Variants in MEI4 observed in about 807,000 individuals in gnomAD.
MEI4 encodes meiotic double-stranded break formation protein 4, also known as meiosis-specific protein MEI4.
MEI4 carries 27 observed loss-of-function variants against 31.4 expected under a neutral mutation model. The ratio of observed to expected loss-of-function variants is 0.86; its 90% CI spans 0.63 to 1.19. The LOEUF (loss-of-function observed/expected upper bound fraction) is 1.19. MEI4 is among the 50% of genes most tolerant of loss of function. MEI4 has a pLI of 0.00. For synonymous variants in MEI4, 122 were observed against 145.4 expected (o/e 0.84, Z 1.16); for missense variants, 329 against 398.9 (o/e 0.82, Z 1.49).
At chr6:77,772,480 A>G (rs1283165844) in intron 3 of MEI4, among the ~76,000 whole-genome samples, 1 of 152,058 alleles carries the variant, frequency 6.6e-6, no homozygotes, top group Admixed American at 6.6e-5. Context: ...GATTATTTCA[A>G]TTGGTGTGGA....
chr6:77,804,308 C>T (rs141916879), intron 3 of MEI4, among the ~76,000 whole-genome samples: 8,974 of 152,200 alleles, frequency 0.059, 788 homozygotes, highest in African/African-American at 0.19. Flanking sequence ...TGGAAGAGCG[C>T]AGTATTAGGG....
chr6:77,756,120 G>A (rs1561976645), intron 2 of MEI4, among the ~76,000 whole-genome samples: 1 of 152,204 alleles, frequency 6.6e-6, no homozygotes, highest in African/African-American at 2.4e-5. Context: ...GAATCTGGTT[G>A]TAGTTATGAA....
intron 3 of MEI4, among the ~76,000 whole-genome samples, chr6:77,801,998 G>A (rs1287320464): frequency 6.6e-6 from 1 of 152,174 alleles, no homozygotes; most frequent in Non-Finnish European, 1.5e-5. Context: ...GCTTGGTGAA[G>A]AGCTGAGTTC....
intron 3 of MEI4, among the ~76,000 whole-genome samples, chr6:77,775,145 A>C (rs1185730451): frequency 6.6e-6 from 1 of 152,070 alleles, no homozygotes; most frequent in Non-Finnish European, 1.5e-5. Flanking sequence ...TTACCTCTTC[A>C]TCTCAGATTC....
At chr6:77,760,205 C>G (rs1306349353) in intron 2 of MEI4, among the ~76,000 whole-genome samples, 2 of 151,980 alleles carry the variant, frequency 1.3e-5, no homozygotes, top group Non-Finnish European at 2.9e-5. Context: ...TACACAGGTA[C>G]ATACACATGT....
intron 4 of MEI4, among the ~76,000 whole-genome samples, chr6:77,904,873 G>A (rs775226615): frequency 2.0e-4 from 30 of 151,894 alleles, no homozygotes; most frequent in Non-Finnish European, 4.3e-4. Context: ...GATTATTTTA[G>A]CTATTATTAT....
At chr6:77,828,144 G>T (rs1769998050) in intron 3 of MEI4, among the ~76,000 whole-genome samples, 1 of 152,032 alleles carries the variant, frequency 6.6e-6, no homozygotes. Context: ...TAACTTAACA[G>T]ATATTTCTCT....
chr6:77,918,187 G>A (rs74471100), intron 4 of MEI4, among the ~76,000 whole-genome samples: 1 of 151,948 alleles, frequency 6.6e-6, no homozygotes, highest in African/African-American at 2.4e-5. Flanking sequence ...AGTATAGTTT[G>A]AAGTCAGGTA....
rs557610272 is a variant in MEI4, at chr6:77,680,626, A to G, written c.-14-10032A>G. On this transcript the variant is annotated intron_variant, in intron 1 of 4. Coordinates refer to ENST00000684080, the MANE Select transcript of MEI4 (RefSeq NM_001322247.2). ...CATCATATGCCAGAAGATGTATAGA[A>G]TGGAAGGGCTCCATATTTGTGAAAC... 2.6e-5 allele frequency among the ~76,000 whole-genome samples: 4 copies of G among 152,306 alleles called. No homozygotes were observed. In the South Asian group the frequency reaches 8.3e-4, roughly 32 times the overall value.
chr6:77,799,172 A>C (rs1046290509), intron 3 of MEI4, among the ~76,000 whole-genome samples: 4 of 152,036 alleles, frequency 2.6e-5, no homozygotes, highest in Non-Finnish European at 4.4e-5. Context: ...CTGACTTTTT[A>C]ATGATTGCCA....
intron 2 of MEI4, among the ~76,000 whole-genome samples, chr6:77,748,200 G>A (rs1767665514): frequency 6.6e-6 from 1 of 152,212 alleles, no homozygotes; most frequent in South Asian, 2.1e-4. Flanking sequence ...TGGGGACTGT[G>A]CTGTGGCTCC....
rs552769799 is a variant in MEI4 at position 77,662,212 on chromosome 6, A to G, written c.-15+9120A>G. Reference sequence around the variant, plus strand: ...GCTGAGAGGTAGTGGAGAGGGGCAGAGTGGTAGCCTCAATGATAGATGTGG... The same window carrying G: ...GCTGAGAGGTAGTGGAGAGGGGCAGGGTGGTAGCCTCAATGATAGATGTGG... On this transcript the variant is annotated intron_variant, in intron 1 of 4. Coordinates refer to ENST00000684080, the MANE Select transcript of MEI4 (RefSeq NM_001322247.2). 3.9e-5 allele frequency among the ~76,000 whole-genome samples: 6 copies of G among 152,314 alleles called. No homozygotes were observed. The South Asian group carries it at 6.2e-4, about 16-fold the overall frequency.
intron 3 of MEI4, among the ~76,000 whole-genome samples, chr6:77,775,729 G>A (rs149037056): frequency 6.6e-6 from 1 of 152,080 alleles, no homozygotes; most frequent in Non-Finnish European, 1.5e-5. Flanking sequence ...AGGATTGCTG[G>A]ATCAAATGGT....
At chr6:77,674,199 T>A (rs2127646702) in intron 1 of MEI4, among the ~76,000 whole-genome samples, 2 of 152,322 alleles carry the variant, frequency 1.3e-5, no homozygotes, top group African/African-American at 4.8e-5. Context: ...ATTAATTCTT[T>A]ATTCAAATTC....
chr6:77,655,390 G>A (rs1182788704), intron 1 of MEI4, among the ~76,000 whole-genome samples: 1 of 152,150 alleles, frequency 6.6e-6, no homozygotes, highest in Admixed American at 6.5e-5. Flanking sequence ...GTCTGATGGA[G>A]CTTAGTTAAG....
chr6:77,914,586 G>C (rs1328684630), intron 4 of MEI4, among the ~76,000 whole-genome samples: 1 of 151,948 alleles, frequency 6.6e-6, no homozygotes, highest in Non-Finnish European at 1.5e-5. Context: ...GTGTCTGTTA[G>C]GTCCATTTGG....
chr6:77,867,672 G>A (rs1039417304), intron 4 of MEI4, among the ~76,000 whole-genome samples: 2 of 152,096 alleles, frequency 1.3e-5, no homozygotes, highest in Non-Finnish European at 2.9e-5. Flanking sequence ...TTCCTCAGGG[G>A]TCTAGAACTA....
intron 4 of MEI4, among the ~76,000 whole-genome samples, chr6:77,886,658 C>G (rs976711433): frequency 1.3e-5 from 2 of 152,094 alleles, no homozygotes; most frequent in Non-Finnish European, 2.9e-5. Context: ...GTCTTGAACT[C>G]CCAACCTCAA....
intron 1 of MEI4, among the ~76,000 whole-genome samples, chr6:77,672,454 C>T (rs1277195513): frequency 6.6e-6 from 1 of 152,208 alleles, no homozygotes; most frequent in East Asian, 1.9e-4. Context: ...ATAAATCTAT[C>T]ATTGCTAAAT....
Sources: allele counts gnomAD v4.1 joint callset (sites outside exome capture counted in the v4.1 genomes callset), GRCh38; gene constraint gnomAD v4.1.1; transcripts MANE v1.5; gene names NCBI Gene and HGNC (gene_info 2026-07-23, HGNC 2026-07-21).